The following DLG2 variants were observed in gnomAD, a reference collection of about 807,000 sequenced individuals.
The protein encoded by DLG2 is disks large homolog 2.
DLG2 carries 45 observed loss-of-function variants against 132.5 expected under a neutral mutation model. The ratio of observed to expected loss-of-function variants is 0.34; its 90% CI spans 0.27 to 0.44. DLG2 has a LOEUF of 0.44. Among genes scored for constraint, DLG2 ranks in the 20% least tolerant of loss-of-function variants. The pLI is 1.00. For synonymous variants in DLG2, 424 were observed against 419.6 expected, an observed-to-expected ratio of 1.01 and a Z score of -0.13; for missense variants, 1,045 against 1,196.9, an observed-to-expected ratio of 0.87 and a Z score of 1.87.
intron 18 of DLG2, among the ~76,000 whole-genome samples, chr11:83,780,894 C>G (rs1053157105): frequency 2.0e-5 from 3 of 152,258 alleles, no homozygotes; most frequent in African/African-American, 7.2e-5. Context: ...GAGTCCAACC[C>G]AACAGTGACA....
intron 3 of DLG2, among the ~76,000 whole-genome samples, chr11:85,419,133 C>A (rs1209759283): frequency 6.6e-6 from 1 of 152,200 alleles, no homozygotes; most frequent in East Asian, 1.9e-4. Flanking sequence ...AACAAAATCT[C>A]TCAGCATTTG....
chr11:84,589,449 GAA>G (rs2099537693), intron 6 of DLG2, among the ~76,000 whole-genome samples: 1 of 152,064 alleles, frequency 6.6e-6, no homozygotes, highest in African/African-American at 2.4e-5. Flanking sequence ...TCAATCCTGT[GAA>G]AAGTCATTAA....
intron 18 of DLG2, among the ~76,000 whole-genome samples, chr11:83,769,376 C>T (rs1231110628): frequency 6.6e-6 from 1 of 152,104 alleles, no homozygotes; most frequent in African/African-American, 2.4e-5. Context: ...ACTAGAGTCA[C>T]TCCTTTCCCC....
intron 21 of DLG2, among the ~76,000 whole-genome samples, chr11:83,529,790 T>A (rs937148172): frequency 6.6e-6 from 1 of 152,140 alleles, no homozygotes; most frequent in African/African-American, 2.4e-5. Flanking sequence ...CCCTCCTGAT[T>A]TTCCATTCAG....
intron 6 of DLG2, among the ~76,000 whole-genome samples, chr11:84,572,681 A>C (rs2099488357): frequency 6.6e-6 from 1 of 152,056 alleles, no homozygotes; most frequent in African/African-American, 2.4e-5. Context: ...CCCTGACCAT[A>C]CTTTGCCTGA....
chr11:83,662,071 T>G (rs1010161548), intron 18 of DLG2, among the ~76,000 whole-genome samples: 10 of 152,090 alleles, frequency 6.6e-5, no homozygotes, highest in Non-Finnish European at 1.3e-4. Context: ...CCAATTTTTT[T>G]GGTAAGGAAA....
intron 7 of DLG2, among the ~76,000 whole-genome samples, chr11:84,379,813 A>G (rs1461914448): frequency 6.6e-6 from 1 of 152,066 alleles, no homozygotes; most frequent in Non-Finnish European, 1.5e-5. Flanking sequence ...AGAATTTTCT[A>G]TAACTTAAAT....
chr11:85,298,462 T>C (rs961783669), intron 3 of DLG2, among the ~76,000 whole-genome samples: 7 of 151,994 alleles, frequency 4.6e-5, no homozygotes, highest in African/African-American at 1.7e-4. Flanking sequence ...TAGGATGCAA[T>C]GAAAAGATCA....
intron 6 of DLG2, among the ~76,000 whole-genome samples, chr11:85,061,591 G>A (rs546815210): frequency 7.2e-5 from 11 of 151,874 alleles, no homozygotes; most frequent in African/African-American, 2.2e-4. Flanking sequence ...TACTAAAGCT[G>A]ATGGTTAAGA....
At chr11:84,941,605 A>G (rs1315398798) in intron 6 of DLG2, among the ~76,000 whole-genome samples, 1 of 151,890 alleles carries the variant, frequency 6.6e-6, no homozygotes, top group Non-Finnish European at 1.5e-5. Flanking sequence ...GATCTTTTTA[A>G]TGTGTTGTTG....
At chr11:84,862,661 C>T (rs894506658) in intron 6 of DLG2, among the ~76,000 whole-genome samples, 1 of 151,908 alleles carries the variant, frequency 6.6e-6, no homozygotes, top group Non-Finnish European at 1.5e-5. Context: ...GAATTCATGT[C>T]CTTTGCAGGG....
chr11:84,705,035 G>A (rs919968504), intron 6 of DLG2, among the ~76,000 whole-genome samples: 1 of 151,570 alleles, frequency 6.6e-6, no homozygotes, highest in Non-Finnish European at 1.5e-5. Flanking sequence ...GTTAATTTAA[G>A]AACAAACTTT....
intron 18 of DLG2, among the ~76,000 whole-genome samples, chr11:83,698,087 C>T (rs77968359): frequency 0.011 from 1,741 of 152,242 alleles, 47 homozygotes; most frequent in African/African-American, 0.04. Flanking sequence ...AGCATCAATG[C>T]CATCTGTAAA....
chr11:84,085,623 T>C (rs2096966135), intron 10 of DLG2, among the ~76,000 whole-genome samples: 1 of 152,218 alleles, frequency 6.6e-6, no homozygotes, highest in East Asian at 1.9e-4. Context: ...GTGGCAGAGA[T>C]TCCTATGTCT....
chr11:84,718,223 A>G (rs1487714371), intron 6 of DLG2, among the ~76,000 whole-genome samples: 1 of 152,128 alleles, frequency 6.6e-6, no homozygotes, highest in Non-Finnish European at 1.5e-5. Context: ...GCAAAATAAG[A>G]TGGGTTAGAG....
intron 18 of DLG2, among the ~76,000 whole-genome samples, chr11:83,707,725 G>A (rs1314205908): frequency 6.6e-6 from 1 of 152,180 alleles, no homozygotes; most frequent in Non-Finnish European, 1.5e-5. Flanking sequence ...AGTGCACAAT[G>A]CTTTTGAGAT....
At chr11:83,586,477 G>T (rs1411873079) in intron 19 of DLG2, among the ~76,000 whole-genome samples, 1 of 152,216 alleles carries the variant, frequency 6.6e-6, no homozygotes, top group Non-Finnish European at 1.5e-5. Flanking sequence ...TAATGAGGCT[G>T]TTGTGAGGTT....
chr11:84,389,035 T>A (rs1484261789), intron 7 of DLG2, among the ~76,000 whole-genome samples: 1 of 152,144 alleles, frequency 6.6e-6, no homozygotes, highest in Non-Finnish European at 1.5e-5. Context: ...TAAAAGCCTT[T>A]ATGTCAACTC....
At chr11:85,377,913 A>G (rs888579601) in intron 3 of DLG2, among the ~76,000 whole-genome samples, 5 of 151,576 alleles carry the variant, frequency 3.3e-5, no homozygotes, top group Non-Finnish European at 7.4e-5. Context: ...ATATATATAT[A>G]CACATATTTC....
Sources: allele counts gnomAD v4.1 joint callset (sites outside exome capture counted in the v4.1 genomes callset), GRCh38; gene constraint gnomAD v4.1.1; transcripts MANE v1.5; gene names NCBI Gene and HGNC (gene_info 2026-07-23, HGNC 2026-07-21).